The following PTPRO variants were observed in gnomAD, a reference collection of about 807,000 sequenced individuals.
The protein encoded by PTPRO is receptor-type tyrosine-protein phosphatase O.
In PTPRO, 62 loss-of-function variants were observed where a neutral mutation model predicts 145.2. That is an observed-to-expected ratio of 0.43 (90% confidence interval 0.35 to 0.53). PTPRO has a LOEUF of 0.53. PTPRO is among the 20% of genes least tolerant of loss of function. The pLI is 0.01. For synonymous variants in PTPRO, 565 were observed against 514.7 expected (o/e 1.10, Z -1.32); for missense variants, 1,345 against 1,482.7 (o/e 0.91, Z 1.53).
chr12:15,363,666 A>T (rs960568131), intron 1 of PTPRO, among the ~76,000 whole-genome samples: 1 of 152,148 alleles, frequency 6.6e-6, no homozygotes, highest in Non-Finnish European at 1.5e-5. Context: ...TAACTAAAAA[A>T]AAAAATAGAA....
intron 2 of PTPRO, among the ~76,000 whole-genome samples, chr12:15,490,000 C>G (rs12368685): frequency 0.54 from 82,292 of 151,952 alleles, 23,113 homozygotes; most frequent in Middle Eastern, 0.67. Flanking sequence ...GTTAGCTGTT[C>G]CAGAAAATAA....
At chr12:15,572,661 G>A (rs111568570) in intron 19 of PTPRO, among the ~76,000 whole-genome samples, 63 of 152,152 alleles carry the variant, frequency 4.1e-4, no homozygotes, top group African/African-American at 1.5e-3. Flanking sequence ...TTACATTGGG[G>A]TTTTATTTGG....
intron 8 of PTPRO, among the ~76,000 whole-genome samples, chr12:15,516,062 T>A (rs1942576737): frequency 6.9e-6 from 1 of 145,576 alleles, no homozygotes; most frequent in Non-Finnish European, 1.5e-5. Flanking sequence ...GCAATCTCAG[T>A]TCCCTGCAAC....
Position 15,360,868 on chromosome 12 carries a change from GTGTATATACACACATACACA to G in PTPRO, c.75+38071_75+38090del, listed in dbSNP as rs1282002285. Among the ~76,000 whole-genome samples, 108 of 126,080 alleles carry G rather than the reference GTGTATATACACACATACACA, an allele frequency of 8.6e-4. 3 individuals carry two copies. The highest frequency in any genetic ancestry group is 3.1e-3 in the African/African-American group (106 of 33,970). 82.7% of individuals were successfully genotyped at this position (126,080 alleles called of 152,430 possible). On this transcript the variant is annotated intron_variant, in intron 1 of 26. Coordinates refer to ENST00000281171, the MANE Select transcript of PTPRO (RefSeq NM_030667.3). ...TGTATATATGTGTGTGTATATATGT[GTGTATATACACACATACACA>G]TGTGTATATACACACACATATATAC...
intron 3 of PTPRO, 57 bp downstream of exon 3, chr12:15,497,460 T>C (rs1396261646): frequency 1.3e-6 from 2 of 1,544,282 alleles, no homozygotes; most frequent in East Asian, 2.3e-5. Flanking sequence ...ACAAAGCTTT[T>C]CCCAAATGAT....
chr12:15,502,870 A>G (rs545312153), intron 5 of PTPRO, among the ~76,000 whole-genome samples: 1 of 152,182 alleles, frequency 6.6e-6, no homozygotes, highest in Non-Finnish European at 1.5e-5. Context: ...AGAGGTTATA[A>G]TTTGTAAAAA....
chr12:15,516,786 A>G lies in PTPRO; in HGVS notation c.1609A>G (p.Met537Val). ...AGTTCCCACAGGAATAAAGGATTTA[A>G]TGCTCTATCCTTTGGGTCCTACGGC... ...AIVPTGIKDL[M>V]LYPLGPTAVV... The change falls in exon 9 of 27, where the codon ATG becomes GTG. Residue 537 changes from methionine (M) to valine (V), a missense_variant. Met to Val is a conservative substitution (Grantham distance 21). This residue lies in a region of PTPRO where 1,130 missense variants were observed against 1,214.7 expected (regional missense o/e 0.93). Transcript: ENST00000281171. 6.2e-7 allele frequency: 1 copy of G among 1,610,004 alleles called. No homozygotes were observed. The highest frequency in any genetic ancestry group is 8.5e-7 in the Non-Finnish European group (1 of 1,176,228).
intron 1 of PTPRO, among the ~76,000 whole-genome samples, chr12:15,430,272 G>A (rs761671029): frequency 2.5e-4 from 38 of 152,092 alleles, no homozygotes; most frequent in Non-Finnish European, 4.3e-4. Context: ...AAGGCAGGCA[G>A]AAGAAGGGTG....
At chr12:15,463,538 G>T (rs1941351854) in intron 1 of PTPRO, among the ~76,000 whole-genome samples, 2 of 152,230 alleles carry the variant, frequency 1.3e-5, no homozygotes, top group South Asian at 4.2e-4. Context: ...TTCCTTCTTT[G>T]TCAGGCATTA....
At chr12:15,440,241 C>A in intron 1 of PTPRO, 2 of 635,134 alleles carry the variant, frequency 3.1e-6, no homozygotes, top group Admixed American at 2.3e-5. Context: ...TCCAAGGCCA[C>A]CTTTGATGCC....
intron 11 of PTPRO, among the ~76,000 whole-genome samples, chr12:15,525,470 CT>C (rs1565684798): frequency 6.6e-6 from 1 of 152,188 alleles, no homozygotes; most frequent in African/African-American, 2.4e-5. Flanking sequence ...TAACCAGGCA[CT>C]TCTGCTTTAA....
At chr12:15,558,268 G>A (rs1043392567) in intron 16 of PTPRO, among the ~76,000 whole-genome samples, 2 of 152,110 alleles carry the variant, frequency 1.3e-5, no homozygotes, top group Admixed American at 1.3e-4. Context: ...TTCAGTGCCT[G>A]AGGCAATAAG....
At chr12:15,422,583 G>C (rs921238875) in intron 1 of PTPRO, among the ~76,000 whole-genome samples, 2 of 152,094 alleles carry the variant, frequency 1.3e-5, no homozygotes, top group South Asian at 2.1e-4. Flanking sequence ...AGATAGTAGG[G>C]TTCTCATTTT....
chr12:15,379,790 T>A (rs1460285892), intron 1 of PTPRO, among the ~76,000 whole-genome samples: 2 of 152,054 alleles, frequency 1.3e-5, no homozygotes, highest in African/African-American at 4.8e-5. Context: ...AAATGGGGGA[T>A]GACTGGTAAT....
At chr12:15,420,686 G>A (rs1218084923) in intron 1 of PTPRO, among the ~76,000 whole-genome samples, 1 of 148,040 alleles carries the variant, frequency 6.8e-6, no homozygotes, top group African/African-American at 2.7e-5. Context: ...TAACTACACT[G>A]GAGAGACAAT....
intron 1 of PTPRO, among the ~76,000 whole-genome samples, chr12:15,466,443 T>C (rs1470294771): frequency 6.6e-6 from 1 of 152,148 alleles, no homozygotes; most frequent in Admixed American, 6.6e-5. Flanking sequence ...GATGTTGAGG[T>C]TTCCTATGCA....
chr12:15,345,767 T>C (rs927056463), intron 1 of PTPRO, among the ~76,000 whole-genome samples: 3 of 152,166 alleles, frequency 2.0e-5, no homozygotes, highest in Non-Finnish European at 4.4e-5. Flanking sequence ...AAAGATACTG[T>C]CTGGGAAGAG....
At chr12:15,546,081 G>A (rs1209129933) in intron 12 of PTPRO, among the ~76,000 whole-genome samples, 1 of 151,938 alleles carries the variant, frequency 6.6e-6, no homozygotes, top group African/African-American at 2.4e-5. Context: ...AAATTTTCAA[G>A]CAGCCATTTT....
Position 15,557,468 on chromosome 12 carries a change from G to A in PTPRO, c.2572G>A (p.Gly858Ser), listed in dbSNP as rs1301437559. 5.0e-6 allele frequency: 8 copies of A among 1,613,808 alleles called. 1 individual carries two copies. The South Asian group carries it at 5.5e-5, about 11-fold the overall frequency. Reference protein sequence around the residue: ...HLQMARECGAGTFVNFASLER... With the variant: ...HLQMARECGASTFVNFASLER... The stretch of plus-strand genomic sequence containing the variant: ...CCTTTAAAACAGGGAGTGTGGAGCT[G>A]GTACATTTGTCAATTTTGCATCCTT... Residue 858 changes from glycine to serine, a missense_variant, in exon 16 of 27, where the codon GGT (glycine) becomes AGT (serine). By Grantham distance (56) the Gly-to-Ser change is moderately conservative. This residue lies in a region of PTPRO where 1,130 missense variants were observed against 1,214.7 expected (regional missense o/e 0.93). Coordinates refer to ENST00000281171, the MANE Select transcript of PTPRO (RefSeq NM_030667.3).
Sources: gnomAD v4.1 joint callset for allele counts (sites outside exome capture counted in the v4.1 genomes callset) on GRCh38, gnomAD v4.1.1 for gene constraint, gnomAD v4.1.1 regional missense constraint, MANE v1.5 for transcripts, NCBI Gene and HGNC (gene_info 2026-07-23, HGNC 2026-07-21) for gene names.